Variants in SREBF2 observed in about 807,000 individuals in gnomAD.
The protein encoded by SREBF2 is sterol regulatory element binding transcription factor 2.
Under a neutral mutation model 113.1 loss-of-function variants are expected in SREBF2, and 55 were observed. That is an observed-to-expected ratio of 0.49 (90% CI 0.39 to 0.61). The LOEUF (loss-of-function observed/expected upper bound fraction) is 0.61. SREBF2 is among the 20% of genes least tolerant of loss of function. SREBF2 has a pLI of 0.00. For synonymous variants in SREBF2, 593 were observed against 605.7 expected, an observed-to-expected ratio of 0.98 and a Z score of 0.31; for missense variants, 1,349 against 1,487.4, an observed-to-expected ratio of 0.91 and a Z score of 1.53.
At chr22:41,869,922 C>T (rs1348935648) in intron 3 of SREBF2, among the ~76,000 whole-genome samples, 3 of 151,010 alleles carry the variant, frequency 2.0e-5, no homozygotes, top group African/African-American at 7.3e-5. Context: ...GGCACGATCT[C>T]GGCTCACTGT....
rs760693739 is a variant in SREBF2 at position 41,873,970 on chromosome 22, A to G, written c.1040A>G (p.Asn347Ser). The G allele has an allele frequency of 1.9e-6, 3 of 1,614,046 alleles. No individual in the cohort carries two copies. Among genetic ancestry groups the G allele is most frequent in the Non-Finnish European group, 2.5e-6 (3 of 1,180,034 alleles). ...GAGAAACGATATCGCTCCTCCATCA[A>G]TGACAAAATCATCGAATTGAAAGAC... ...IIEKRYRSSINDKIIELKDLV... is the reference protein window; with the variant it reads ...IIEKRYRSSISDKIIELKDLV... The change falls in exon 5 of 19, where the codon AAT becomes AGT. Residue 347 changes from asparagine to serine, a missense_variant. Asn to Ser is a conservative substitution (Grantham distance 46). Around this residue, in one of 2 missense-constraint regions of SREBF2, gnomAD observed 699 missense variants for 843.3 expected, o/e 0.83. Transcript: ENST00000361204.
chr22:41,872,456 A>G (rs552523724), intron 4 of SREBF2, among the ~76,000 whole-genome samples: 3 of 152,254 alleles, frequency 2.0e-5, no homozygotes, highest in Admixed American at 2.0e-4. Context: ...CATTGTGTAC[A>G]TATGTAAAAT....
chr22:41,848,686 C>T (rs531748426), intron 1 of SREBF2, among the ~76,000 whole-genome samples: 9 of 152,234 alleles, frequency 5.9e-5, no homozygotes, highest in Non-Finnish European at 1.0e-4. Context: ...GAAAAGAGCA[C>T]AGGGCTTAGA....
rs188906992 is a variant in SREBF2 at position 41,869,586 on chromosome 22, C to T, written c.720+794C>T. 2.4e-3 allele frequency among the ~76,000 whole-genome samples: 363 copies of T among 150,944 alleles called. 5 individuals carry two copies. Among genetic ancestry groups the T allele is most frequent in the South Asian group, 6.3e-3 (30 of 4,762 alleles). ...GCAACCCCCGCCTACCAGGTTCAAG[C>T]GATTCTCCTGCCTCAGCCTCCCAAG... is the stretch of plus-strand genomic sequence containing the variant. On this transcript the variant is annotated intron_variant, in intron 3 of 18. Transcript: ENST00000361204.
At chr22:41,889,075 G>A (rs139257120) in intron 11 of SREBF2, among the ~76,000 whole-genome samples, 34 of 152,256 alleles carry the variant, frequency 2.2e-4, no homozygotes, top group African/African-American at 7.5e-4. Flanking sequence ...TACTCACTAT[G>A]TCTCAGTAAA....
intron 1 of SREBF2, among the ~76,000 whole-genome samples, chr22:41,852,013 T>C (rs539154339): frequency 4.0e-5 from 6 of 151,750 alleles, no homozygotes; most frequent in Non-Finnish European, 8.8e-5. Context: ...CTCAGCTACT[T>C]GGGAGGCTGA....
rs776638238 is a variant in SREBF2 at position 41,898,731 on chromosome 22, C to G, written c.2688C>G (p.Arg896=). ...TCCAGGGAGACGATGCAGCTGTGCG[C>G]TCTCATTTTACCAAAGTGGAACGCA... ...SWLQGDDAAV[R]SHFTKVERIP... The change falls in exon 15 of 19, where the codon CGC becomes CGG. Residue 896 remains arginine, a synonymous_variant. Coordinates refer to ENST00000361204, the MANE Select transcript of SREBF2 (RefSeq NM_004599.4). 3 of 1,614,116 alleles carry G rather than the reference C, an allele frequency of 1.9e-6. No individual in the cohort carries two copies. Among genetic ancestry groups the G allele is most frequent in the Non-Finnish European group, 2.5e-6 (3 of 1,180,016 alleles).
intron 13 of SREBF2, 60 bp downstream of exon 13, chr22:41,894,997 C>G: frequency 3.7e-6 from 5 of 1,366,892 alleles, no homozygotes; most frequent in South Asian, 2.4e-5. Flanking sequence ...AACTCCAGGA[C>G]AGCCTGAAGG....
At chr22:41,840,487 A>G (rs570551314) in intron 1 of SREBF2, among the ~76,000 whole-genome samples, 1 of 152,240 alleles carries the variant, frequency 6.6e-6, no homozygotes, top group Admixed American at 6.5e-5. Context: ...AGTGGAGCAC[A>G]TCCTCCAGTG....
intron 1 of SREBF2, among the ~76,000 whole-genome samples, chr22:41,841,137 G>A (rs933873921): frequency 6.6e-6 from 1 of 152,170 alleles, no homozygotes. Context: ...TGAGTGTTGG[G>A]GATGGTTGTG....
At chr22:41,874,127 C>T (rs921567216) in intron 5 of SREBF2, 108 bp downstream of exon 5, 16 of 1,121,152 alleles carry the variant, frequency 1.4e-5, no homozygotes, top group Middle Eastern at 2.0e-4. Context: ...AATACAAGAC[C>T]GAGTTAGAGG....
At chr22:41,889,685 G>A (rs1231394294) in intron 11 of SREBF2, among the ~76,000 whole-genome samples, 1 of 133,124 alleles carries the variant, frequency 7.5e-6, no homozygotes, top group African/African-American at 3.0e-5. Flanking sequence ...ACAACATAGT[G>A]AGACCATGTC....
chr22:41,884,748 G>C (rs774617996), intron 10 of SREBF2, 94 bp from the exon 11 acceptor site: 13 of 1,366,526 alleles, frequency 9.5e-6, no homozygotes. Flanking sequence ...CTTCTCCCCT[G>C]GTTCCTCTCT....
chr22:41,902,140 G>GCTTTC (rs1725475978), intron 16 of SREBF2, among the ~76,000 whole-genome samples: 1 of 152,244 alleles, frequency 6.6e-6, no homozygotes, highest in Non-Finnish European at 1.5e-5. Flanking sequence ...GAAAGCCAGG[G>GCTTTC]CTGGGTGAGA....
chr22:41,859,603 CAA>C (rs1039548473), intron 1 of SREBF2, among the ~76,000 whole-genome samples: 3 of 137,280 alleles, frequency 2.2e-5, no homozygotes, highest in Non-Finnish European at 1.6e-5. Context: ...GCAAAAGTGT[CAA>C]AAAAAAAAAA....
At chr22:41,886,023 A>G (rs1569402794) in intron 11 of SREBF2, 1 of 152,150 alleles carries the variant, frequency 6.6e-6, no homozygotes, top group East Asian at 1.9e-4. Context: ...CCCTTGATTC[A>G]CTCATTCAGC....
chr22:41,900,613 C>T (rs1031071830), intron 16 of SREBF2, 115 bp downstream of exon 16: 2 of 1,078,774 alleles, frequency 1.9e-6, no homozygotes, highest in African/African-American at 1.6e-5. Context: ...ACAGAGAAAC[C>T]AGGACAGCAG....
chr22:41,898,119 A>AT (rs139639845), intron 14 of SREBF2, among the ~76,000 whole-genome samples: 6,558 of 151,788 alleles, frequency 0.043, 475 homozygotes, highest in African/African-American at 0.15. Flanking sequence ...GAACTTTTTT[A>AT]TTTTTTTTGA....
intron 1 of SREBF2, among the ~76,000 whole-genome samples, chr22:41,858,865 C>T (rs997336332): frequency 6.6e-6 from 1 of 152,042 alleles, no homozygotes; most frequent in African/African-American, 2.4e-5. Context: ...AGGGACCTGC[C>T]GGGCACAGTG....
Sources: gnomAD v4.1 joint callset for allele counts (sites outside exome capture counted in the v4.1 genomes callset) on GRCh38, gnomAD v4.1.1 for gene constraint, gnomAD v4.1.1 regional missense constraint, MANE v1.5 for transcripts, NCBI Gene and HGNC (gene_info 2026-07-23, HGNC 2026-07-21) for gene names.